SLC2A6: variants seen among roughly 807,000 people sequenced by gnomAD.
SLC2A6 encodes the protein solute carrier family 2 member 6.
Under a neutral mutation model 47.8 loss-of-function variants are expected in SLC2A6, and 39 were observed. The ratio of observed to expected loss-of-function variants is 0.82; its 90% CI spans 0.63 to 1.07. SLC2A6 has a LOEUF of 1.07. SLC2A6 is among the 50% of genes least tolerant of loss of function. The pLI, the probability that SLC2A6 is intolerant of heterozygous loss-of-function variation, is 0.00. For synonymous variants in SLC2A6, 346 were observed against 324.1 expected (o/e 1.07, Z -0.73); for missense variants, 650 against 707.6 (o/e 0.92, Z 0.92).
intron 3 of SLC2A6, 182 bp from the exon 4 acceptor site, chr9:133,476,518 C>T: frequency 1.6e-6 from 1 of 610,820 alleles, no homozygotes. Context: ...TCTCTCTGTC[C>T]TCAGTTTCCC....
chr9:133,475,414 T>G lies in SLC2A6; in HGVS notation c.760A>C (p.Asn254His). 6.2e-7 allele frequency: 1 copy of G among 1,603,082 alleles called. No homozygotes were observed. The change falls in exon 5 of 10, where the codon AAC becomes CAC. Residue 254 changes from asparagine to histidine, a missense_variant. Coordinates refer to ENST00000371899, the MANE Select transcript of SLC2A6 (RefSeq NM_017585.4). The part of the protein sequence containing the change: ...VHWEFEQIQD[N>H]VRRQSSRVSW... Reference sequence around the variant, plus strand: ...CCCTCCTGCACCTGTCTCCGGACGTTGTCCTGGATCTGCTCGAACTCCCAG... The same window carrying G: ...CCCTCCTGCACCTGTCTCCGGACGTGGTCCTGGATCTGCTCGAACTCCCAG...
At position 133,478,722 on chromosome 9, in the gene SLC2A6, G is replaced by A. The variant is rs930134243; in HGVS notation, c.92+246C>T. ...GTGACCTCAGGCAGAACCCCTGCTC[G>A]CTGGGGCCTCAGTCTCACTGTCTGT... On this transcript the variant is annotated intron_variant, in intron 1 of 9. Transcript: ENST00000371899. 19 of 584,544 alleles carry A rather than the reference G, an allele frequency of 3.3e-5. No individual in the cohort carries two copies. The Admixed American group carries it at 5.8e-4, about 18-fold the overall frequency. The allele number at this position is 584,544 out of a possible 1,614,324, so 36.2% of individuals were successfully genotyped here.
Position 133,475,389 on chromosome 9 carries a change from C to T in SLC2A6, c.774+11G>A. ...TGGGCCTGCCCGGTTCGGGCGCACACCCTCCTGCACCTGTCTCCGGACGTT... is the reference window on the plus strand; with the variant it reads ...TGGGCCTGCCCGGTTCGGGCGCACATCCTCCTGCACCTGTCTCCGGACGTT... On this transcript the variant is annotated intron_variant, in intron 5 of 9. Transcript: ENST00000371899. The T allele has an allele frequency of 6.3e-7, 1 of 1,578,694 alleles. No individual in the cohort carries two copies. The highest frequency in any genetic ancestry group is 8.6e-7 in the Non-Finnish European group (1 of 1,159,542).
intron 8 of SLC2A6, 49 bp downstream of exon 8, chr9:133,473,366 C>T: frequency 6.5e-7 from 1 of 1,544,398 alleles, no homozygotes; most frequent in East Asian, 2.4e-5. Flanking sequence ...CATCACCCAT[C>T]CCTTAACACC....
rs1554803312 is a variant in SLC2A6, at chr9:133,476,222, C to CG, written c.562+14dup. ...TCCCACCAGCCTGCACACAGGAGTG[C>CG]GGGGCCATACTTGCCAAGGGCGTAG... On this transcript the variant is annotated intron_variant, in intron 4 of 9. Coordinates refer to ENST00000371899, the MANE Select transcript of SLC2A6 (RefSeq NM_017585.4). 2 of 1,599,566 alleles carry CG rather than the reference C, an allele frequency of 1.3e-6. No individual in the cohort carries two copies.
In SLC2A6 at chr9:133,479,067, T is replaced by A; in HGVS notation, c.-8A>T. On this transcript the variant is annotated 5_prime_UTR_variant, in exon 1 of 10. Coordinates refer to ENST00000371899, the MANE Select transcript of SLC2A6 (RefSeq NM_017585.4). ...CAGCAGCGGCTCCTGCATGGCCGGG[T>A]CTCTCTCGGGGCGAGCGGAGGGCGC... 4 of 1,590,302 alleles carry A rather than the reference T, an allele frequency of 2.5e-6. No homozygotes were observed. Among genetic ancestry groups the A allele is most frequent in the Non-Finnish European group, 3.4e-6 (4 of 1,172,532 alleles).
intron 6 of SLC2A6, among the ~76,000 whole-genome samples, 178 bp downstream of exon 6, chr9:133,474,783 G>A (rs1554802817): frequency 6.6e-6 from 1 of 152,196 alleles, no homozygotes; most frequent in Non-Finnish European, 1.5e-5. Context: ...GAAGGCACTG[G>A]AACTGTCTCC....
Position 133,474,950 on chromosome 9 carries a change from TG to T in SLC2A6, c.927+10del. The T allele has an allele frequency of 6.6e-7, 1 of 1,522,668 alleles. No individual in the cohort carries two copies. The highest frequency in any genetic ancestry group is 1.3e-5 in the South Asian group (1 of 78,644). The allele number at this position is 1,522,668 out of a possible 1,614,324, so 94.3% of individuals were successfully genotyped here. A position where few individuals can be genotyped will look rare whatever the true frequency, so the allele number is the denominator to read the frequency against. ...CCCGTGGGTGGGCGCCGGCCGGGGC[TG>T]GGCTCTCACCAGCAGGACAGCGGTG... On this transcript the variant is annotated intron_variant, in intron 6 of 9. Transcript: ENST00000371899.
chr9:133,476,374 A>T lies in SLC2A6; in HGVS notation c.463-38T>A, dbSNP rs1554803386. 4 of 1,581,896 alleles carry T rather than the reference A, an allele frequency of 2.5e-6. No homozygotes were observed. The African/African-American group carries it at 5.4e-5, about 21-fold the overall frequency. On this transcript the variant is annotated intron_variant, in intron 3 of 9. Transcript: ENST00000371899. ...GCCGCCGCACCAGGTTTTGCTGAAA[A>T]TACTGGTTCCTAGGCCCGGCCGAGA... is the stretch of plus-strand genomic sequence containing the variant.
chr9:133,478,753 T>G, intron 1 of SLC2A6: 1 of 588,592 alleles, frequency 1.7e-6, no homozygotes, highest in Non-Finnish European at 3.0e-6. Context: ...TCTGTGGCAG[T>G]GGGGGGCTGG....
chr9:133,478,735 TCTCA>T, intron 1 of SLC2A6: 1 of 589,280 alleles, frequency 1.7e-6, no homozygotes, highest in South Asian at 2.2e-5. Flanking sequence ...GGGGCCTCAG[TCTCA>T]CTGTCTGTGG....
chr9:133,473,956 G>A, intron 7 of SLC2A6, 24 bp downstream of exon 7: 1 of 1,563,638 alleles, frequency 6.4e-7, no homozygotes, highest in Non-Finnish European at 8.7e-7. Context: ...AGTGGGGCAG[G>A]AGGGCTGCCT....
chr9:133,479,091 G>A lies in SLC2A6; in HGVS notation c.-32C>T, dbSNP rs781798778. ...GTCTCTCTCGGGGCGAGCGGAGGGC[G>A]CTCAGACTGGAGCAGCCGCCCGGGG... On this transcript the variant is annotated 5_prime_UTR_variant, in exon 1 of 10. Coordinates refer to ENST00000371899, the MANE Select transcript of SLC2A6 (RefSeq NM_017585.4). The A allele has an allele frequency of 1.6e-4, 244 of 1,550,292 alleles. No individual in the cohort carries two copies. Among genetic ancestry groups the A allele is most frequent in the Non-Finnish European group, 1.9e-4 (217 of 1,153,034 alleles).
chr9:133,479,036 G>A lies in SLC2A6; in HGVS notation c.24C>T (p.Ala8=). 2 of 1,598,874 alleles carry A rather than the reference G, an allele frequency of 1.3e-6. No individual in the cohort carries two copies. The highest frequency in any genetic ancestry group is 1.1e-5 in the South Asian group (1 of 89,906). Residue 8 remains alanine (A), a synonymous_variant, in exon 1 of 10, where the codon GCC becomes GCT. Transcript: ENST00000371899. ...GGAAGGTGTCGTAGTCCGGGCCCTCGGCTCCCAGCAGCGGCTCCTGCATGG... is the reference window on the plus strand; with the variant it reads ...GGAAGGTGTCGTAGTCCGGGCCCTCAGCTCCCAGCAGCGGCTCCTGCATGG... MQEPLLG[A]EGPDYDTFPE...
chr9:133,478,374 T>C lies in SLC2A6; in HGVS notation c.135A>G (p.Ala45=). ...NKRVFLATFA[A]VLGNFSFGYA... is the part of the protein sequence containing the mutation. Reference sequence around the variant, plus strand: ...ACCCAAAGCTGAAATTGCCGAGCACTGCGGCGAAGGTGGCCAGGAACACCC... The same window carrying C: ...ACCCAAAGCTGAAATTGCCGAGCACCGCGGCGAAGGTGGCCAGGAACACCC... Residue 45 remains alanine, a synonymous_variant, in exon 2 of 10, where the codon GCA becomes GCG. Transcript: ENST00000371899. 6.2e-7 allele frequency: 1 copy of C among 1,614,140 alleles called. No homozygotes were observed. The highest frequency in any genetic ancestry group is 8.5e-7 in the Non-Finnish European group (1 of 1,180,012).
chr9:133,472,743 G>C (rs891591386), intron 9 of SLC2A6, among the ~76,000 whole-genome samples: 8 of 152,148 alleles, frequency 5.3e-5, no homozygotes, highest in Non-Finnish European at 8.8e-5. Flanking sequence ...TGGGGTTGAG[G>C]GGGGAGTGTG....
At chr9:133,475,359 G>A (rs1554803009) in intron 5 of SLC2A6, 41 bp downstream of exon 5, 3 of 1,538,718 alleles carry the variant, frequency 1.9e-6, no homozygotes, top group South Asian at 2.4e-5. Flanking sequence ...CTGAAGTGCT[G>A]GAGGTGGGCC....
chr9:133,472,562 G>A (rs1843765595), intron 9 of SLC2A6, among the ~76,000 whole-genome samples: 1 of 152,124 alleles, frequency 6.6e-6, no homozygotes. Context: ...GACTCACTCT[G>A]GGTTGCCTGC....
At position 133,477,124 on chromosome 9, in the gene SLC2A6, G is replaced by T. The variant is rs1554803607; in HGVS notation, c.373C>A (p.Leu125Ile). The change falls in exon 3 of 10, where the codon CTC becomes ATC. Residue 125 changes from leucine to isoleucine, a missense_variant. Leu to Ile is a conservative substitution (Grantham distance 5). Transcript: ENST00000371899. Reference sequence around the variant, plus strand: ...CAGAGGCCGTGCGCACCCGCCATGAGCGCATAGCCGGCCGCCGACGGCACA... The same window carrying T: ...CAGAGGCCGTGCGCACCCGCCATGATCGCATAGCCGGCCGCCGACGGCACA... ...SAVPSAAGYA[L>I]MAGAHGLWML... 1.3e-6 allele frequency: 2 copies of T among 1,549,424 alleles called. No individual in the cohort carries two copies. The highest frequency in any genetic ancestry group is 8.7e-7 in the Non-Finnish European group (1 of 1,146,520).
Sources: gnomAD v4.1 joint callset for allele counts (sites outside exome capture counted in the v4.1 genomes callset) on GRCh38, gnomAD v4.1.1 for gene constraint, MANE v1.5 for transcripts, NCBI Gene and HGNC (gene_info 2026-07-23, HGNC 2026-07-21) for gene names.